Variants in CERS3 observed in about 807,000 individuals in gnomAD.
CERS3 encodes the protein ceramide synthase 3.
In CERS3, 33 loss-of-function variants were observed where a neutral mutation model predicts 50.3. The ratio of observed to expected loss-of-function variants is 0.66; its 90% CI spans 0.50 to 0.88. CERS3 has a LOEUF of 0.88. Among genes scored for constraint, CERS3 ranks in the 40% least tolerant of loss-of-function variants. The pLI is 0.00. For synonymous variants in CERS3, 176 were observed against 155.2 expected (o/e 1.13, Z -0.99); for missense variants, 470 against 460.3 (o/e 1.02, Z -0.19).
chr15:100,446,373 TTTTTTTTTC>T (rs2033943636), intron 11 of CERS3, among the ~76,000 whole-genome samples: 1 of 140,550 alleles, frequency 7.1e-6, no homozygotes, highest in Non-Finnish European at 1.5e-5. Context: ...GGTTTTTTTT[TTTTTTTTTC>T]TTTAGATTAA....
chr15:100,405,915 C>G (rs2030990445), intron 11 of CERS3, among the ~76,000 whole-genome samples: 2 of 152,350 alleles, frequency 1.3e-5, no homozygotes, highest in South Asian at 4.1e-4. Flanking sequence ...AAGTACTACT[C>G]ATGTGGGCAT....
intron 11 of CERS3, among the ~76,000 whole-genome samples, chr15:100,414,559 C>T (rs778827921): frequency 4.0e-4 from 61 of 152,110 alleles, no homozygotes; most frequent in African/African-American, 1.2e-3. Context: ...CAAAACAGCA[C>T]GGTACTGGTA....
chr15:100,403,257 T>C (rs1022335387), intron 11 of CERS3, among the ~76,000 whole-genome samples: 2 of 152,138 alleles, frequency 1.3e-5, no homozygotes, highest in Admixed American at 6.5e-5. Flanking sequence ...TCAATGCAGC[T>C]AAAATATGCT....
At chr15:100,461,187 T>C (rs554251395) in intron 10 of CERS3, among the ~76,000 whole-genome samples, 1 of 152,300 alleles carries the variant, frequency 6.6e-6, no homozygotes, top group Non-Finnish European at 1.5e-5. Flanking sequence ...ACACCACTAA[T>C]TTCTTGGCTC....
intron 11 of CERS3, among the ~76,000 whole-genome samples, chr15:100,411,265 G>A (rs2031465774): frequency 1.3e-5 from 2 of 152,078 alleles, no homozygotes; most frequent in Non-Finnish European, 2.9e-5. Flanking sequence ...TGGTACAAGT[G>A]ATTCTCCTGC....
At chr15:100,427,433 G>A (rs2032880805) in intron 11 of CERS3, among the ~76,000 whole-genome samples, 1 of 152,150 alleles carries the variant, frequency 6.6e-6, no homozygotes, top group African/African-American at 2.4e-5. Flanking sequence ...ATAGATGAGT[G>A]GCCATTACGT....
intron 11 of CERS3, among the ~76,000 whole-genome samples, chr15:100,403,846 C>T (rs2030758929): frequency 1.3e-5 from 2 of 151,582 alleles, no homozygotes; most frequent in South Asian, 4.2e-4. Context: ...TCCACAATCA[C>T]TTCCAGAAAA....
chr15:100,438,925 A>G (rs1902690667), intron 11 of CERS3, among the ~76,000 whole-genome samples: 1 of 152,266 alleles, frequency 6.6e-6, no homozygotes, highest in Non-Finnish European at 1.5e-5. Flanking sequence ...AAGTAATATT[A>G]AACAAAAGCA....
chr15:100,505,289 G>A (rs1374208619), intron 2 of CERS3, among the ~76,000 whole-genome samples: 3 of 152,176 alleles, frequency 2.0e-5, no homozygotes, highest in Admixed American at 2.0e-4. Context: ...TGTATCATGT[G>A]AAATATAACG....
intron 10 of CERS3, among the ~76,000 whole-genome samples, chr15:100,465,979 T>A (rs1468570650): frequency 1.3e-5 from 2 of 152,140 alleles, no homozygotes; most frequent in African/African-American, 4.8e-5. Context: ...TATTTTACAG[T>A]CAAGTCTGTT....
chr15:100,517,727 C>T (rs2036530507), intron 2 of CERS3, among the ~76,000 whole-genome samples: 1 of 152,060 alleles, frequency 6.6e-6, no homozygotes, highest in Non-Finnish European at 1.5e-5. Context: ...CAGCCTACAG[C>T]CCCCGCAAGA....
At chr15:100,497,676 A>C (rs1365854414) in intron 3 of CERS3, among the ~76,000 whole-genome samples, 3 of 152,146 alleles carry the variant, frequency 2.0e-5, no homozygotes, top group African/African-American at 7.2e-5. Context: ...CATGTGAGAA[A>C]TAGCATATGG....
intron 11 of CERS3, among the ~76,000 whole-genome samples, chr15:100,408,293 A>G (rs987368592): frequency 1.3e-5 from 2 of 152,198 alleles, no homozygotes; most frequent in African/African-American, 2.4e-5. Context: ...TCATAATTCC[A>G]GGAAACCATG....
chr15:100,435,480 C>T (rs530537856), intron 11 of CERS3, among the ~76,000 whole-genome samples: 7 of 152,262 alleles, frequency 4.6e-5, no homozygotes, highest in African/African-American at 1.4e-4. Flanking sequence ...ACTCAAGATG[C>T]ATTGAAGTCT....
rs941996001 is a variant in CERS3 at position 100,518,101 on chromosome 15, G to A, written c.-2+3566C>T. On this transcript the variant is annotated intron_variant, in intron 2 of 11. Transcript: ENST00000679737. ...ACTACTCACCAAGAGAAAATAAATC[G>A]TAAGACCTCATACTGGAAAAAGGCT... 3.3e-4 allele frequency among the ~76,000 whole-genome samples: 50 copies of A among 152,300 alleles called. 1 individual carries two copies. The highest frequency in any genetic ancestry group is 1.1e-3 in the African/African-American group (46 of 41,574).
chr15:100,464,134 G>A (rs2034638375), intron 10 of CERS3, among the ~76,000 whole-genome samples: 1 of 152,158 alleles, frequency 6.6e-6, no homozygotes, highest in African/African-American at 2.4e-5. Flanking sequence ...GCTGAAATCT[G>A]AAGTCCAGTG....
At chr15:100,466,767 TCCTTCCTTCCTTCCTTCCTTCCTTCCTC>T (rs1324184783) in intron 10 of CERS3, among the ~76,000 whole-genome samples, 3 of 23,006 alleles carry the variant, frequency 1.3e-4, no homozygotes, top group African/African-American at 2.8e-4. Flanking sequence ...CTTCCTTCCT[TCCTTCCTTCCTTCCTTCCTTCCTTCCTC>T]CCTCCCTCCC....
intron 1 of CERS3, among the ~76,000 whole-genome samples, chr15:100,522,969 T>C (rs2036681159): frequency 6.6e-6 from 1 of 152,206 alleles, no homozygotes; most frequent in Admixed American, 6.5e-5. Flanking sequence ...GTTCCAGTGG[T>C]TTAATATCCT....
At chr15:100,518,947 A>G (rs1340637392) in intron 2 of CERS3, among the ~76,000 whole-genome samples, 1 of 152,204 alleles carries the variant, frequency 6.6e-6, no homozygotes, top group Non-Finnish European at 1.5e-5. Flanking sequence ...GCAGATCACC[A>G]GGTCAGGAGT....
Sources: gnomAD v4.1 joint callset for allele counts (sites outside exome capture counted in the v4.1 genomes callset) on GRCh38, gnomAD v4.1.1 for gene constraint, MANE v1.5 for transcripts, NCBI Gene and HGNC (gene_info 2026-07-23, HGNC 2026-07-21) for gene names.